XPO5: variants seen among roughly 807,000 people sequenced by gnomAD.
The protein encoded by XPO5 is exportin-5.
XPO5 carries 46 observed loss-of-function variants against 160.6 expected under a neutral mutation model. The observed-to-expected ratio is 0.29, with a 90% CI of 0.23 to 0.37. The LOEUF (loss-of-function observed/expected upper bound fraction) is 0.37, where lower values mean the gene tolerates loss of function less well. Among genes scored for constraint, XPO5 ranks in the 10% least tolerant of loss-of-function variants. XPO5 has a pLI of 1.00. For synonymous variants in XPO5, 537 were observed against 519.3 expected (o/e 1.03, Z -0.46); for missense variants, 1,090 against 1,463.9 (o/e 0.74, Z 4.17).
At chr6:43,570,371 G>T in intron 5 of XPO5, 131 bp downstream of exon 5, 6 of 629,116 alleles carry the variant, frequency 9.5e-6, no homozygotes, top group Non-Finnish European at 1.4e-5. Flanking sequence ...TCATTTCCTA[G>T]TTTTTTATTT....
chr6:43,526,073 T>C, intron 27 of XPO5, 152 bp from the exon 28 acceptor site: 1 of 689,014 alleles, frequency 1.5e-6, no homozygotes. Context: ...CTCCACATAA[T>C]GCCCATGCCC....
chr6:43,525,995 C>CA (rs771974030), intron 27 of XPO5, 74 bp from the exon 28 acceptor site: 31 of 1,546,104 alleles, frequency 2.0e-5, no homozygotes, highest in South Asian at 5.8e-5. Flanking sequence ...GACAGAAGCG[C>CA]AAAAAACAAA....
At chr6:43,566,123 T>C (rs1032374123) in intron 7 of XPO5, among the ~76,000 whole-genome samples, 3 of 152,158 alleles carry the variant, frequency 2.0e-5, no homozygotes, top group Admixed American at 2.0e-4. Context: ...CCAGGTGCCG[T>C]GGCTCACACC....
chr6:43,555,697 C>CT (rs1374242304), intron 13 of XPO5, 139 bp downstream of exon 13: 1 of 1,057,280 alleles, frequency 9.5e-7, no homozygotes, highest in African/African-American at 1.6e-5. Flanking sequence ...AAAACGCTCC[C>CT]TCTCCAGGAT....
Position 43,570,994 on chromosome 6 carries a change from C to T in XPO5, c.301G>A (p.Gly101Arg). 1 of 1,607,794 alleles carries T rather than the reference C, an allele frequency of 6.2e-7. No individual in the cohort carries two copies. The highest frequency in any genetic ancestry group is 8.5e-7 in the Non-Finnish European group (1 of 1,178,096). Residue 101 changes from glycine to arginine, a missense_variant and splice_region_variant, in exon 4 of 32, where the codon GGA becomes AGA. Coordinates refer to ENST00000265351, the MANE Select transcript of XPO5 (RefSeq NM_020750.3). ...TCCTCTTCCAAAATGTTCAATGTTCCCTGAAAAAGAACAAGAGATATTAAG... is the reference window on the plus strand; with the variant it reads ...TCCTCTTCCAAAATGTTCAATGTTCTCTGAAAAAGAACAAGAGATATTAAG... ...KNSVMELIAN[G>R]TLNILEEENH...
chr6:43,538,570 G>A (rs1794494310), intron 20 of XPO5, among the ~76,000 whole-genome samples: 1 of 152,136 alleles, frequency 6.6e-6, no homozygotes, highest in Admixed American at 6.6e-5. Flanking sequence ...ATTACTGGTA[G>A]TATTTTGAGA....
Position 43,530,671 on chromosome 6 carries a change from G to A in XPO5, c.2677+17C>T, listed in dbSNP as rs142814585. 1 of 1,610,572 alleles carries A rather than the reference G, an allele frequency of 6.2e-7. No homozygotes were observed. Among genetic ancestry groups the A allele is most frequent in the African/African-American group, 1.3e-5 (1 of 74,804 alleles). On this transcript the variant is annotated intron_variant, in intron 23 of 31. Transcript: ENST00000265351. Reference sequence around the variant, plus strand: ...TTTCTGACCTTTTGGGTTATGTAGAGACTTTTGAAAGGATATGAAGCATGG... The same window carrying A: ...TTTCTGACCTTTTGGGTTATGTAGAAACTTTTGAAAGGATATGAAGCATGG...
chr6:43,538,942 G>T, intron 20 of XPO5: 2 of 1,330,276 alleles, frequency 1.5e-6, no homozygotes, highest in Non-Finnish European at 2.1e-6. Flanking sequence ...CCTTCCAGAG[G>T]TCGGGGGTCA....
Position 43,536,758 on chromosome 6 carries a change from T to TAAAAAAAAAAA in XPO5, c.2343-2762_2343-2752dup, listed in dbSNP as rs1156884252. Among the ~76,000 whole-genome samples, 27 of 19,100 alleles carry TAAAAAAAAAAA rather than the reference T, an allele frequency of 1.4e-3. 1 individual carries two copies. Among genetic ancestry groups the TAAAAAAAAAAA allele is most frequent in the African/African-American group, 4.2e-3 (17 of 4,094 alleles). 12.5% of individuals were successfully genotyped at this position (19,100 alleles called of 152,430 possible). ...CTGGACGACAGAGTGAGACTCTATC[T>TAAAAAAAAAAA]AAAAAAAAAAAAAAAAAAAAAAAAA... On this transcript the variant is annotated intron_variant, in intron 20 of 31. Transcript: ENST00000265351.
chr6:43,564,252 G>A (rs1028460741), intron 8 of XPO5, among the ~76,000 whole-genome samples: 44 of 152,254 alleles, frequency 2.9e-4, no homozygotes, highest in Middle Eastern at 6.8e-3. Context: ...TTTTCCAGCC[G>A]GGCACGGTGG....
intron 19 of XPO5, chr6:43,547,360 C>T (rs1795012011): frequency 3.5e-6 from 2 of 568,880 alleles, no homozygotes; most frequent in Admixed American, 2.7e-5. Context: ...CACCTTCAGT[C>T]TTCAGAGCTA....
intron 20 of XPO5, chr6:43,544,125 G>T (rs1156233221): frequency 6.5e-6 from 1 of 152,878 alleles, no homozygotes; most frequent in Admixed American, 6.5e-5. Context: ...TCTTAGAAAA[G>T]TATCAAAATG....
chr6:43,570,650 A>C lies in XPO5; in HGVS notation c.473T>G (p.Leu158Trp). 1 of 1,613,346 alleles carries C rather than the reference A, an allele frequency of 6.2e-7. No homozygotes were observed. The highest frequency in any genetic ancestry group is 8.5e-7 in the Non-Finnish European group (1 of 1,179,644). The change falls in exon 5 of 32, where the codon TTG becomes TGG. Residue 158 changes from leucine to tryptophan, a missense_variant. Around this residue, in one of 3 missense-constraint regions of XPO5, gnomAD observed 170 missense variants for 227.0 expected, o/e 0.75. Coordinates refer to ENST00000265351, the MANE Select transcript of XPO5 (RefSeq NM_020750.3). ...TQTELVMFIL[L>W]RLAEDVVTFQ... ...AGTCACTACATCCTCTGCCAGTCGCAAAAGGATAAACATCACCAATTCTGT... is the reference window on the plus strand; with the variant it reads ...AGTCACTACATCCTCTGCCAGTCGCCAAAGGATAAACATCACCAATTCTGT...
intron 17 of XPO5, 39 bp from the exon 18 acceptor site, chr6:43,548,499 G>A: frequency 6.9e-7 from 1 of 1,457,976 alleles, no homozygotes; most frequent in Non-Finnish European, 9.1e-7. Context: ...GGTGGTAAAG[G>A]TCTGATTTTC....
chr6:43,565,384 C>T (rs767609718), intron 8 of XPO5, among the ~76,000 whole-genome samples: 16 of 151,566 alleles, frequency 1.1e-4, no homozygotes, highest in South Asian at 2.1e-4. Flanking sequence ...GCGGTCAGCA[C>T]GGCAAAACCC....
chr6:43,526,106 A>C (rs1328919005), intron 27 of XPO5, 185 bp from the exon 28 acceptor site: 3 of 599,568 alleles, frequency 5.0e-6, no homozygotes, highest in East Asian at 5.7e-5. Context: ...CTAGAGATGC[A>C]CTCAAGCTGT....
intron 2 of XPO5, 94 bp downstream of exon 2, chr6:43,573,386 T>G: frequency 6.6e-7 from 1 of 1,506,090 alleles, no homozygotes; most frequent in Non-Finnish European, 9.0e-7. Flanking sequence ...GAGATTGCTC[T>G]TCTCTACTCA....
chr6:43,527,455 G>C, intron 26 of XPO5, 179 bp downstream of exon 26: 1 of 581,532 alleles, frequency 1.7e-6, no homozygotes, highest in Non-Finnish European at 3.0e-6. Flanking sequence ...TGTATTATTA[G>C]TAGAGACAGG....
Position 43,564,924 on chromosome 6 carries a change from C to CTT in XPO5, c.911+734_911+735dup, listed in dbSNP as rs577868911. Among the ~76,000 whole-genome samples, 64 of 136,456 alleles carry CTT rather than the reference C, an allele frequency of 4.7e-4. 1 individual carries two copies. The highest frequency in any genetic ancestry group is 4.2e-3 in the South Asian group (18 of 4,318). The allele number at this position is 136,456 out of a possible 152,430, so 89.5% of individuals were successfully genotyped here. A position where few individuals can be genotyped will look rare whatever the true frequency, so the allele number is the denominator to read the frequency against. On this transcript the variant is annotated intron_variant, in intron 8 of 31. Coordinates refer to ENST00000265351, the MANE Select transcript of XPO5 (RefSeq NM_020750.3). ...CAGCCATGACTGCCTCATTTTCTCT[C>CTT]TTTTTTTTTTTTTTTTGAGACAGAG...
Sources: allele counts gnomAD v4.1 joint callset (sites outside exome capture counted in the v4.1 genomes callset), GRCh38; gene constraint gnomAD v4.1.1; regional missense constraint gnomAD v4.1.1; transcripts MANE v1.5; gene names NCBI Gene and HGNC (gene_info 2026-07-23, HGNC 2026-07-21).